MOBP: variants seen among roughly 807,000 people sequenced by gnomAD.
The protein encoded by MOBP is myelin associated oligodendrocyte basic protein.
In MOBP, 5 loss-of-function variants were observed where a neutral mutation model predicts 15.0. The observed-to-expected ratio is 0.33, with a 90% CI of 0.17 to 0.70. MOBP has a LOEUF of 0.70. Ranked by LOEUF, MOBP falls within the 30% of genes least tolerant of loss-of-function variation. The probability of loss-of-function intolerance (pLI) is 0.67; values close to 1 mark genes in which losing one functional copy is unlikely to be tolerated. For missense variants in MOBP, 188 were observed against 257.8 expected (o/e 0.73, Z 1.85); for synonymous variants, 88 against 99.0 (o/e 0.89, Z 0.66).
chr3:39,480,275 C>T (rs2042609247), intron 2 of MOBP, among the ~76,000 whole-genome samples, 152 bp downstream of exon 2: 1 of 152,062 alleles, frequency 6.6e-6, no homozygotes, highest in African/African-American at 2.4e-5. Context: ...TTAGTATGTC[C>T]ACATGGCTCA....
intron 2 of MOBP, among the ~76,000 whole-genome samples, chr3:39,497,137 A>G (rs994301773): frequency 6.6e-6 from 1 of 152,188 alleles, no homozygotes; most frequent in Non-Finnish European, 1.5e-5. Flanking sequence ...TCTAACTTTC[A>G]GCAGTGAATA....
chr3:39,484,620 T>A (rs2042675132), intron 2 of MOBP, among the ~76,000 whole-genome samples: 1 of 152,176 alleles, frequency 6.6e-6, no homozygotes, highest in Non-Finnish European at 1.5e-5. Context: ...ATGTATTGTA[T>A]AATTTTAGAT....
At chr3:39,478,637 C>T (rs180789772) in intron 1 of MOBP, among the ~76,000 whole-genome samples, 251 of 152,214 alleles carry the variant, frequency 1.6e-3, no homozygotes, top group African/African-American at 5.7e-3. Context: ...AATATCTTCA[C>T]AGAAAAAACC....
intron 2 of MOBP, among the ~76,000 whole-genome samples, chr3:39,491,585 C>T (rs1268369641): frequency 1.3e-5 from 2 of 151,958 alleles, no homozygotes; most frequent in African/African-American, 2.4e-5. Context: ...GCTTACATAC[C>T]AAGAATCATA....
chr3:39,527,719 A>C, downstream of MOBP: 1 of 152,308 alleles, frequency 6.6e-6, no homozygotes, highest in Non-Finnish European at 1.5e-5. Context: ...TGGGCCTCCC[A>C]AAGTGCTGGG....
At chr3:39,519,386 T>G (rs2043239084), downstream of MOBP, among the ~76,000 whole-genome samples, 2 of 152,200 alleles carry the variant, frequency 1.3e-5, 1 homozygote, top group South Asian at 4.1e-4. Flanking sequence ...GCATTTATTT[T>G]CAACTAGAGC....
chr3:39,472,732 C>T (rs1157386185), intron 1 of MOBP, among the ~76,000 whole-genome samples: 1 of 152,166 alleles, frequency 6.6e-6, no homozygotes, highest in Non-Finnish European at 1.5e-5. Context: ...TTAAGACCAG[C>T]CTGGGCAACA....
chr3:39,482,612 A>G (rs1351015212), intron 2 of MOBP, among the ~76,000 whole-genome samples: 1 of 146,020 alleles, frequency 6.8e-6, no homozygotes, highest in Non-Finnish European at 1.5e-5. Flanking sequence ...AGATCGCGCC[A>G]CTGCACTCCA....
At chr3:39,504,205 C>T (rs2043018113), downstream of MOBP, among the ~76,000 whole-genome samples, 1 of 152,196 alleles carries the variant, frequency 6.6e-6, no homozygotes, top group Non-Finnish European at 1.5e-5. Context: ...TGACAGGTTA[C>T]CTAGTCATTA....
intron 2 of MOBP, among the ~76,000 whole-genome samples, chr3:39,500,398 G>T (rs1679729558): frequency 6.6e-6 from 1 of 152,124 alleles, no homozygotes; most frequent in African/African-American, 2.4e-5. Context: ...TAAAAGTTTA[G>T]TGTTAAAAAA....
chr3:39,503,730 A>G (rs962963995), downstream of MOBP, among the ~76,000 whole-genome samples: 31 of 151,734 alleles, frequency 2.0e-4, no homozygotes, highest in Non-Finnish European at 2.5e-4. Flanking sequence ...ACCTTTTACT[A>G]TTTGGAACTG....
chr3:39,510,342 A>G (rs905034701), intron 4 of MOBP, among the ~76,000 whole-genome samples: 10 of 152,224 alleles, frequency 6.6e-5, no homozygotes, highest in African/African-American at 2.4e-4. Context: ...ATAAATTTTC[A>G]TTGTGTCAGA....
chr3:39,518,675 A>G (rs773292214), downstream of MOBP, among the ~76,000 whole-genome samples: 8 of 152,168 alleles, frequency 5.3e-5, no homozygotes, highest in Non-Finnish European at 1.0e-4. Context: ...TAATGATGCA[A>G]TGGAGATAAT....
At chr3:39,520,700 G>A (rs1002573175), downstream of MOBP, among the ~76,000 whole-genome samples, 1 of 151,990 alleles carries the variant, frequency 6.6e-6, no homozygotes, top group Non-Finnish European at 1.5e-5. Flanking sequence ...GGGAAAGGTG[G>A]GTTTCCTCCC....
chr3:39,502,303 C>G lies in MOBP; in HGVS notation c.206+28C>G, dbSNP rs2292504. ...AAGCGGCCGCCCAGCCCCGCGGCAC[C>G]AGTTGGGCACAGCGCGTGGTCTCGG... On this transcript the variant is annotated intron_variant, in intron 3 of 3. Transcript: ENST00000684792. The surrounding 1 kb of genome is among the most constrained non-coding windows in gnomAD (Gnocchi z 6.3). The G allele has an allele frequency of 6.2e-7, 1 of 1,612,856 alleles. No homozygotes were observed. The highest frequency in any genetic ancestry group is 1.7e-5 in the Admixed American group (1 of 59,994).
intron 1 of MOBP, among the ~76,000 whole-genome samples, chr3:39,469,251 T>C (rs1481387437): frequency 6.9e-6 from 1 of 144,428 alleles, no homozygotes; most frequent in Admixed American, 7.1e-5. Flanking sequence ...TATATATACA[T>C]ATATGTGTGT....
chr3:39,499,944 C>A (rs1464315483), intron 2 of MOBP: 7 of 444,300 alleles, frequency 1.6e-5, no homozygotes, highest in Non-Finnish European at 3.2e-5. Flanking sequence ...GTTCTCTAGC[C>A]CAACATATTG....
At chr3:39,472,189 C>G in intron 1 of MOBP, among the ~76,000 whole-genome samples, 1 of 152,216 alleles carries the variant, frequency 6.6e-6, no homozygotes, top group East Asian at 1.9e-4. Context: ...GAGAAGATTA[C>G]TAAAATGAAT....
downstream of MOBP, among the ~76,000 whole-genome samples, chr3:39,520,785 G>A (rs993972657): frequency 2.0e-5 from 3 of 152,090 alleles, no homozygotes; most frequent in African/African-American, 7.2e-5. Flanking sequence ...TAAACCTCAG[G>A]ATGGTCTTTG....
Sources: allele counts gnomAD v4.1 joint callset (sites outside exome capture counted in the v4.1 genomes callset), GRCh38; gene constraint gnomAD v4.1.1; non-coding constraint Gnocchi (gnomAD v3.1); transcripts MANE v1.5; gene names NCBI Gene and HGNC (gene_info 2026-07-23, HGNC 2026-07-21).